GPR35: variants seen among roughly 807,000 people sequenced by gnomAD.
GPR35 encodes G protein-coupled receptor 35.
For missense variants in GPR35, 372 were observed against 422.5 expected (o/e 0.88, Z 1.05); for synonymous variants, 207 against 198.4 (o/e 1.04, Z -0.36).
intron 4 of GPR35, chr2:240,618,842 G>T: frequency 3.6e-6 from 2 of 554,132 alleles, no homozygotes; most frequent in South Asian, 4.8e-5. Context: ...TTCTGGAGAT[G>T]ACCATATGAC....
chr2:240,606,321 G>A (rs957586304), intron 1 of GPR35: 3 of 152,328 alleles, frequency 2.0e-5, no homozygotes, highest in Admixed American at 6.5e-5. Flanking sequence ...AGCCAGGCTT[G>A]GGCTGGGGCC....
At position 240,630,992 on chromosome 2, in the gene GPR35, C is replaced by G. The variant is rs1559441308; in HGVS notation, c.*110C>G. 7 of 881,852 alleles carry G rather than the reference C, an allele frequency of 7.9e-6. No individual in the cohort carries two copies. The highest frequency in any genetic ancestry group is 1.2e-5 in the Non-Finnish European group (7 of 560,478). The allele number at this position is 881,852 out of a possible 1,614,324, so 54.6% of individuals were successfully genotyped here. A position where few individuals can be genotyped will look rare whatever the true frequency, so the allele number is the denominator to read the frequency against. On this transcript the variant is annotated 3_prime_UTR_variant, in exon 2 of 2. Transcript: ENST00000407714. ...GAGCCCGAGATCAGCCCTGAACTCACTGTGTATTCTCTTGGAGCCTTGGGT... is the reference window on the plus strand; with the variant it reads ...GAGCCCGAGATCAGCCCTGAACTCAGTGTGTATTCTCTTGGAGCCTTGGGT...
intron 2 of GPR35, among the ~76,000 whole-genome samples, chr2:240,615,355 C>G (rs918536310): frequency 8.5e-5 from 13 of 152,230 alleles, no homozygotes; most frequent in Non-Finnish European, 4.4e-5. Context: ...AGGGATCGTT[C>G]ATTTCAGGGC....
At chr2:240,625,473 C>T, upstream of GPR35, 2 of 985,782 alleles carry the variant, frequency 2.0e-6, no homozygotes, top group Non-Finnish European at 2.4e-6. Context: ...TGGCTCACCC[C>T]AGCTTCACTT....
At chr2:240,609,107 A>AT (rs536844626) in intron 2 of GPR35, among the ~76,000 whole-genome samples, 1 of 151,098 alleles carries the variant, frequency 6.6e-6, no homozygotes, top group Admixed American at 6.6e-5. Flanking sequence ...TAATTTGTGG[A>AT]TTTTTTTTCT....
intron 2 of GPR35, chr2:240,616,285 G>T: frequency 1.5e-6 from 1 of 646,648 alleles, no homozygotes; most frequent in Non-Finnish European, 2.8e-6. Flanking sequence ...CTCGACAGCA[G>T]TGGCTCCACA....
chr2:240,622,622 G>A (rs1223585242), upstream of GPR35, among the ~76,000 whole-genome samples: 5 of 152,362 alleles, frequency 3.3e-5, no homozygotes, highest in Middle Eastern at 3.4e-3. Flanking sequence ...CCGAGTGTTG[G>A]ACAAGCTTGC....
chr2:240,628,431 C>T lies in GPR35; in HGVS notation c.-4-1518C>T, dbSNP rs550369514. ...GCACTTTGCACTCGGGGGAAGGGCT[C>T]CTGAAACTTGGAAGTCAGCAAATAT... On this transcript the variant is annotated intron_variant, in intron 1 of 1. Transcript: ENST00000407714. 2.0e-5 allele frequency: 3 copies of T among 152,312 alleles called. No individual in the cohort carries two copies. In the East Asian group the frequency reaches 5.8e-4, roughly 29 times the overall value. The allele number at this position is 152,312 out of a possible 1,614,324, so 9.4% of individuals were successfully genotyped here.
chr2:240,631,024 G>A lies in GPR35; in HGVS notation c.*142G>A, dbSNP rs114392845. 1,224 of 685,970 alleles carry A rather than the reference G, an allele frequency of 1.8e-3. 12 individuals are homozygous for A. The African/African-American group carries it at 0.02, about 11-fold the overall frequency. The allele number at this position is 685,970 out of a possible 1,614,324, so 42.5% of individuals were successfully genotyped here. On this transcript the variant is annotated 3_prime_UTR_variant, in exon 2 of 2. Transcript: ENST00000407714. Reference sequence around the variant, plus strand: ...TTCTCTTGGAGCCTTGGGTGGGCAGGGACGGCCCAGGTACCTGCTCTCTTG... The same window carrying A: ...TTCTCTTGGAGCCTTGGGTGGGCAGAGACGGCCCAGGTACCTGCTCTCTTG...
Position 240,630,154 on chromosome 2 carries a change from T to C in GPR35, c.202T>C (p.Cys68Arg). The C allele has an allele frequency of 6.3e-7, 1 of 1,599,270 alleles. No homozygotes were observed. The highest frequency in any genetic ancestry group is 8.5e-7 in the Non-Finnish European group (1 of 1,176,754). Residue 68 changes from cysteine (C) to arginine (R), a missense_variant, in exon 2 of 2, where the codon TGC becomes CGC. Cys to Arg is a radical substitution (Grantham distance 180). Transcript: ENST00000407714. ...GACCAACCTGGCGGTGGCCGACCTC[T>C]GCCTGCTGTGCACCTTGCCCTTCGT... Reference protein sequence around the residue: ...YMTNLAVADLCLLCTLPFVLH... With the variant: ...YMTNLAVADLRLLCTLPFVLH...
At chr2:240,616,466 A>G (rs185770929) in exon 3 of GPR35, 19 of 780,456 alleles carry the variant, frequency 2.4e-5, no homozygotes, top group Admixed American at 1.2e-4. Flanking sequence ...ATGCCTGCCA[A>G]TCTCCTGTCG....
Position 240,630,607 on chromosome 2 carries a change from G to T in GPR35, c.655G>T (p.Val219Phe), listed in dbSNP as rs1335853804. The T allele has an allele frequency of 6.2e-7, 1 of 1,612,882 alleles. No individual in the cohort carries two copies. The highest frequency in any genetic ancestry group is 1.3e-5 in the African/African-American group (1 of 75,058). ...GGCCACCCGCAAGGCTGCCCGCATG[G>T]TCTGGGCCAACCTCCTGGTGTTCGT... ...AEATRKAARM[V>F]WANLLVFVVC... The change falls in exon 2 of 2, where the codon GTC becomes TTC. Residue 219 changes from valine (V) to phenylalanine (F), a missense_variant. Coordinates refer to ENST00000407714, the MANE Select transcript of GPR35 (RefSeq NM_005301.5).
intron 2 of GPR35, among the ~76,000 whole-genome samples, chr2:240,610,904 G>T (rs2043176535): frequency 6.6e-6 from 1 of 151,384 alleles, no homozygotes; most frequent in Non-Finnish European, 1.5e-5. Context: ...AAAGTGCTGG[G>T]GTTACAGGCA....
chr2:240,621,913 A>G (rs2043299963), upstream of GPR35, among the ~76,000 whole-genome samples: 1 of 151,924 alleles, frequency 6.6e-6, no homozygotes, highest in South Asian at 2.1e-4. Context: ...CTCTGTTGCA[A>G]CCAGGCTGGA....
chr2:240,610,101 A>G (rs1055094504), intron 2 of GPR35, among the ~76,000 whole-genome samples: 9 of 152,048 alleles, frequency 5.9e-5, no homozygotes, highest in Non-Finnish European at 1.0e-4. Flanking sequence ...CTGGGATTAC[A>G]GGTGCCCACC....
intron 5 of GPR35, among the ~76,000 whole-genome samples, chr2:240,619,848 ACTTAGGAGTGAGGAT>A (rs1182271610): frequency 6.6e-6 from 1 of 152,084 alleles, no homozygotes; most frequent in Non-Finnish European, 1.5e-5. Flanking sequence ...AGGAAGTGGC[ACTTAGGAGTGAGGAT>A]CTTAGGAGCG....
At chr2:240,611,976 A>C (rs2043186167) in intron 2 of GPR35, among the ~76,000 whole-genome samples, 1 of 152,100 alleles carries the variant, frequency 6.6e-6, no homozygotes, top group African/African-American at 2.4e-5. Flanking sequence ...CGAAGGAGCA[A>C]AACAAGGAAG....
rs1279568817 is a variant in GPR35, at chr2:240,616,296, G to T, written c.-576-92G>T. The T allele has an allele frequency of 4.5e-6, 3 of 659,766 alleles. No individual in the cohort carries two copies. In the Admixed American group the frequency reaches 6.8e-5, roughly 15 times the overall value. The allele number at this position is 659,766 out of a possible 1,614,324, so 40.9% of individuals were successfully genotyped here. On this transcript the variant is annotated intron_variant, in intron 2 of 5. Coordinates refer to the GPR35 transcript ENST00000319838. ...CAACCTCGACAGCAGTGGCTCCACAGGATGCATACGAGGTCCCCGCGGTCC... is the reference window on the plus strand; with the variant it reads ...CAACCTCGACAGCAGTGGCTCCACATGATGCATACGAGGTCCCCGCGGTCC...
intron 5 of GPR35, among the ~76,000 whole-genome samples, chr2:240,620,273 G>A (rs1172129967): frequency 6.6e-6 from 1 of 152,132 alleles, no homozygotes; most frequent in African/African-American, 2.4e-5. Context: ...AGCCCAAGGA[G>A]CCTCTTCTGG....
Sources: allele counts gnomAD v4.1 joint callset (sites outside exome capture counted in the v4.1 genomes callset), GRCh38; gene constraint gnomAD v4.1.1; transcripts MANE v1.5; gene names NCBI Gene and HGNC (gene_info 2026-07-23, HGNC 2026-07-21).